The following C2orf76 variants were observed in gnomAD, a reference collection of about 807,000 sequenced individuals.
The protein encoded by C2orf76 is UPF0538 protein C2orf76.
In C2orf76, 23 loss-of-function variants were observed where a neutral mutation model predicts 16.9. The observed-to-expected ratio is 1.36, with a 90% CI of 0.98 to 1.93. The LOEUF (loss-of-function observed/expected upper bound fraction) is 1.93, where lower values mean the gene tolerates loss of function less well. Among genes scored for constraint, C2orf76 ranks in the 30% most tolerant of loss-of-function variants. The probability of loss-of-function intolerance (pLI) is 0.00; values close to 1 mark genes in which losing one functional copy is unlikely to be tolerated. For missense variants in C2orf76, 152 were observed against 152.6 expected (o/e 1.00, Z 0.02); for synonymous variants, 48 against 52.3 (o/e 0.92, Z 0.35).
intron 2 of C2orf76, among the ~76,000 whole-genome samples, chr2:119,323,852 AT>A (rs1043942901): frequency 6.6e-6 from 1 of 152,118 alleles, no homozygotes; most frequent in Non-Finnish European, 1.5e-5. Context: ...AAAGATTTAA[AT>A]GGCAATGCTA....
At chr2:119,316,102 A>G (rs1679164111) in intron 4 of C2orf76, among the ~76,000 whole-genome samples, 1 of 152,190 alleles carries the variant, frequency 6.6e-6, no homozygotes, top group South Asian at 2.1e-4. Flanking sequence ...ACTTTATTTT[A>G]TATTTGTATT....
At chr2:119,360,824 C>G (rs1456430953) in intron 1 of C2orf76, among the ~76,000 whole-genome samples, 1 of 152,136 alleles carries the variant, frequency 6.6e-6, no homozygotes, top group African/African-American at 2.4e-5. Flanking sequence ...CTATCATTCA[C>G]TCAACAAGCT....
chr2:119,343,390 A>C (rs1425983894), intron 1 of C2orf76, among the ~76,000 whole-genome samples: 1 of 151,868 alleles, frequency 6.6e-6, no homozygotes, highest in African/African-American at 2.4e-5. Context: ...AGGTTTGCTA[A>C]AGCTATGACC....
intron 2 of C2orf76, among the ~76,000 whole-genome samples, chr2:119,336,048 T>C (rs114261464): frequency 0.014 from 2,066 of 152,318 alleles, 42 homozygotes; most frequent in African/African-American, 0.046. Flanking sequence ...AATACAGTCA[T>C]CTATAGATGG....
chr2:119,298,780 CTTAG>C (rs750919301), downstream of C2orf76, among the ~76,000 whole-genome samples: 1 of 152,102 alleles, frequency 6.6e-6, no homozygotes, highest in Non-Finnish European at 1.5e-5. Flanking sequence ...ACTCAAGTCT[CTTAG>C]TTCAAAAAAA....
intron 3 of C2orf76, among the ~76,000 whole-genome samples, chr2:119,319,180 A>G (rs997297140): frequency 1.3e-5 from 2 of 152,180 alleles, no homozygotes; most frequent in African/African-American, 4.8e-5. Context: ...TATTTTGCTA[A>G]TGAGCCTTTA....
chr2:119,346,615 G>T (rs565322226), intron 1 of C2orf76, among the ~76,000 whole-genome samples: 6 of 152,282 alleles, frequency 3.9e-5, no homozygotes, highest in African/African-American at 1.4e-4. Flanking sequence ...GAATGCATTA[G>T]GGTGTTGCCA....
intron 5 of C2orf76, among the ~76,000 whole-genome samples, chr2:119,310,697 C>G (rs1453899670): frequency 2.0e-5 from 3 of 152,114 alleles, no homozygotes; most frequent in Non-Finnish European, 4.4e-5. Context: ...TATAGTGAAA[C>G]CCTGTCTCTA....
At chr2:119,293,555 C>T in the C2orf76 span, among the ~76,000 whole-genome samples, 14 of 152,074 alleles carry the variant, frequency 9.2e-5, no homozygotes, top group African/African-American at 2.9e-4. Context: ...AGAATTGCAG[C>T]GGGGCAGGAA....
At chr2:119,299,533 C>T (rs1225371382), downstream of C2orf76, among the ~76,000 whole-genome samples, 1 of 152,144 alleles carries the variant, frequency 6.6e-6, no homozygotes, top group African/African-American at 2.4e-5. Context: ...TTTCTCATAG[C>T]TGTGGAGGCT....
chr2:119,347,619 T>C (rs1189122550), intron 1 of C2orf76, among the ~76,000 whole-genome samples: 1 of 152,074 alleles, frequency 6.6e-6, no homozygotes, highest in Non-Finnish European at 1.5e-5. Flanking sequence ...ACGCCTGTAA[T>C]CCCAGCACTT....
intron 2 of C2orf76, 78 bp from the exon 3 acceptor site, chr2:119,321,282 C>A: frequency 1.3e-6 from 1 of 793,580 alleles, no homozygotes; most frequent in African/African-American, 1.9e-5. Flanking sequence ...TGGTTCTATT[C>A]TTTTCTATCT....
chr2:119,333,450 TG>T (rs1415260959), intron 2 of C2orf76, among the ~76,000 whole-genome samples: 3 of 152,248 alleles, frequency 2.0e-5, no homozygotes, highest in Non-Finnish European at 2.9e-5. Flanking sequence ...ATCTGGTGGA[TG>T]GCACCTTTAG....
the C2orf76 span, among the ~76,000 whole-genome samples, chr2:119,281,288 A>C: frequency 0.027 from 4,098 of 152,110 alleles, 191 homozygotes; most frequent in African/African-American, 0.092. Context: ...TTCCACCCTC[A>C]AGTAGGCCTC....
At chr2:119,317,646 C>G (rs1029081013) in intron 3 of C2orf76, 143 bp from the exon 4 acceptor site, 2 of 509,064 alleles carry the variant, frequency 3.9e-6, no homozygotes, top group Non-Finnish European at 6.8e-6. Flanking sequence ...ATATACTATA[C>G]AGCAAAAGAA....
At chr2:119,359,564 T>C (rs1680678334) in intron 1 of C2orf76, among the ~76,000 whole-genome samples, 1 of 152,190 alleles carries the variant, frequency 6.6e-6, no homozygotes, top group African/African-American at 2.4e-5. Context: ...GCAACATTAA[T>C]AGGACTTTGG....
chr2:119,338,426 A>G (rs749679661), intron 2 of C2orf76, among the ~76,000 whole-genome samples: 2 of 152,174 alleles, frequency 1.3e-5, no homozygotes, highest in Non-Finnish European at 2.9e-5. Context: ...GTTTCCCACA[A>G]GTTGTCACCC....
chr2:119,331,731 T>C (rs980342913), intron 2 of C2orf76, among the ~76,000 whole-genome samples: 27 of 152,210 alleles, frequency 1.8e-4, no homozygotes, highest in African/African-American at 6.5e-4. Context: ...AGGGAAATGA[T>C]TGTTTTATAT....
At chr2:119,317,264 T>A (rs1459659407) in intron 4 of C2orf76, among the ~76,000 whole-genome samples, 1 of 152,202 alleles carries the variant, frequency 6.6e-6, no homozygotes, top group Non-Finnish European at 1.5e-5. Context: ...AACACTTTTT[T>A]AAAAAGGACC....
Sources: allele counts gnomAD v4.1 joint callset (sites outside exome capture counted in the v4.1 genomes callset), GRCh38; gene constraint gnomAD v4.1.1; transcripts MANE v1.5; gene names NCBI Gene and HGNC (gene_info 2026-07-23, HGNC 2026-07-21).